The following TSHZ3 variants were observed in gnomAD, a reference collection of about 807,000 sequenced individuals.
TSHZ3 encodes teashirt homolog 3.
TSHZ3 carries 10 observed loss-of-function variants against 64.5 expected under a neutral mutation model. That is an observed-to-expected ratio of 0.16 (90% CI 0.10 to 0.26). The LOEUF (loss-of-function observed/expected upper bound fraction) is 0.26, where lower values mean the gene tolerates loss of function less well. Ranked by LOEUF, TSHZ3 falls within the 10% of genes least tolerant of loss-of-function variation. The pLI, the probability that TSHZ3 is intolerant of heterozygous loss-of-function variation, is 1.00. For synonymous variants in TSHZ3, 608 were observed against 593.1 expected (o/e 1.03, Z -0.36); for missense variants, 1,242 against 1,421.7 (o/e 0.87, Z 2.03).
At chr19:31,287,618 A>G (rs1186671308) in intron 1 of TSHZ3, among the ~76,000 whole-genome samples, 1 of 152,052 alleles carries the variant, frequency 6.6e-6, no homozygotes, top group African/African-American at 2.4e-5. Context: ...GGAAGAGAAG[A>G]ATCCACTAGG....
At chr19:31,330,444 G>A (rs909678318) in intron 1 of TSHZ3, among the ~76,000 whole-genome samples, 2 of 152,150 alleles carry the variant, frequency 1.3e-5, no homozygotes, top group African/African-American at 4.8e-5. Context: ...CCCAATGCCC[G>A]AGCTCCCATG....
At chr19:31,315,082 A>T (rs887886239) in intron 1 of TSHZ3, among the ~76,000 whole-genome samples, 1 of 152,236 alleles carries the variant, frequency 6.6e-6, no homozygotes, top group East Asian at 1.9e-4. Flanking sequence ...AAGGGAAGAA[A>T]GCAACTCTGC....
chr19:31,194,291 C>T (rs1207567533), intron 5 of TSHZ3, among the ~76,000 whole-genome samples: 1 of 152,202 alleles, frequency 6.6e-6, no homozygotes, highest in African/African-American at 2.4e-5. Flanking sequence ...AGAAAAATCC[C>T]CTCATGCTTC....
chr19:31,316,098 CAGAT>C (rs1327194087), intron 1 of TSHZ3, among the ~76,000 whole-genome samples: 8 of 152,142 alleles, frequency 5.3e-5, no homozygotes, highest in Non-Finnish European at 8.8e-5. Flanking sequence ...AATATTAAAA[CAGAT>C]AGAAGAAGTC....
intron 1 of TSHZ3, among the ~76,000 whole-genome samples, chr19:31,254,362 G>A (rs1156503400): frequency 6.6e-6 from 1 of 152,200 alleles, no homozygotes; most frequent in African/African-American, 2.4e-5. Flanking sequence ...GCAGGAGTGA[G>A]TCACCACAAA....
chr19:31,280,527 C>T (rs550147890), intron 1 of TSHZ3, among the ~76,000 whole-genome samples: 249 of 152,250 alleles, frequency 1.6e-3, no homozygotes, highest in African/African-American at 5.7e-3. Context: ...CACACACTCT[C>T]CATGCAGAAT....
At chr19:31,165,006 G>T (rs1974426463) in intron 5 of TSHZ3, among the ~76,000 whole-genome samples, 1 of 152,250 alleles carries the variant, frequency 6.6e-6, no homozygotes, top group Admixed American at 6.5e-5. Flanking sequence ...ACCCTGCCGA[G>T]CCCGTCCCGG....
chr19:31,168,132 T>C (rs968430725), intron 5 of TSHZ3, among the ~76,000 whole-genome samples: 61 of 152,352 alleles, frequency 4.0e-4, no homozygotes, highest in African/African-American at 1.5e-3. Flanking sequence ...TCGTGCATAA[T>C]TGACATAATT....
chr19:31,180,900 A>G (rs1974702401), intron 5 of TSHZ3, among the ~76,000 whole-genome samples: 1 of 152,188 alleles, frequency 6.6e-6, no homozygotes. Context: ...CCTGCACAAT[A>G]GACTGATAAA....
At chr19:31,263,257 C>G (rs765120031) in intron 1 of TSHZ3, among the ~76,000 whole-genome samples, 13 of 152,174 alleles carry the variant, frequency 8.5e-5, no homozygotes, top group Non-Finnish European at 1.5e-5. Flanking sequence ...ATATTAGAAT[C>G]CATGTGGATT....
chr19:31,231,741 A>G (rs1006625015), intron 3 of TSHZ3, among the ~76,000 whole-genome samples: 2 of 152,190 alleles, frequency 1.3e-5, no homozygotes, highest in African/African-American at 4.8e-5. Flanking sequence ...ATGGATTTAC[A>G]TAACTCCAAC....
intron 1 of TSHZ3, among the ~76,000 whole-genome samples, chr19:31,289,854 T>TC (rs1214176149): frequency 6.6e-6 from 1 of 151,894 alleles, no homozygotes; most frequent in African/African-American, 2.4e-5. Flanking sequence ...GAGCTCAAAG[T>TC]CCCCAGAAAA....
chr19:31,205,732 C>T (rs1267957026), intron 4 of TSHZ3, among the ~76,000 whole-genome samples: 1 of 152,232 alleles, frequency 6.6e-6, no homozygotes, highest in Non-Finnish European at 1.5e-5. Flanking sequence ...CTGTTGGCCC[C>T]TTTCCCCACC....
chr19:31,254,813 A>G (rs893757279), intron 1 of TSHZ3, among the ~76,000 whole-genome samples: 2 of 152,176 alleles, frequency 1.3e-5, no homozygotes, highest in Non-Finnish European at 2.9e-5. Context: ...GAAGTCATCC[A>G]TGAATCCTCT....
At chr19:31,231,347 G>T (rs200062479) in intron 3 of TSHZ3, among the ~76,000 whole-genome samples, 1 of 152,038 alleles carries the variant, frequency 6.6e-6, no homozygotes, top group Non-Finnish European at 1.5e-5. Flanking sequence ...CAAAGCCCCT[G>T]GCTGATCTAC....
chr19:31,271,988 C>T (rs373456705), downstream of TSHZ3, among the ~76,000 whole-genome samples: 4 of 151,964 alleles, frequency 2.6e-5, no homozygotes, highest in South Asian at 6.2e-4. Flanking sequence ...AAATAGTCAA[C>T]AGAATAAAAC....
intron 1 of TSHZ3, among the ~76,000 whole-genome samples, chr19:31,284,734 T>G (rs543629932): frequency 6.2e-4 from 95 of 152,286 alleles, no homozygotes; most frequent in Middle Eastern, 3.4e-3. Flanking sequence ...GGATCACTTG[T>G]GTATGGCCAG....
intron 5 of TSHZ3, among the ~76,000 whole-genome samples, chr19:31,203,017 C>T (rs977419124): frequency 2.0e-5 from 3 of 151,076 alleles, no homozygotes; most frequent in Non-Finnish European, 4.4e-5. Flanking sequence ...CTAACAATCA[C>T]AAAATTTCTA....
chr19:31,270,190 T>C (rs923225918), downstream of TSHZ3, among the ~76,000 whole-genome samples: 6 of 152,244 alleles, frequency 3.9e-5, no homozygotes, highest in Non-Finnish European at 8.8e-5. Context: ...GATAGTAGCA[T>C]GTGAGAATGT....
Sources: allele counts gnomAD v4.1 joint callset (sites outside exome capture counted in the v4.1 genomes callset), GRCh38; gene constraint gnomAD v4.1.1; transcripts MANE v1.5; gene names NCBI Gene and HGNC (gene_info 2026-07-23, HGNC 2026-07-21).